The following LIMD1 variants were observed in gnomAD, a reference collection of about 807,000 sequenced individuals.
The protein encoded by LIMD1 is LIM domain containing 1, also known as LIM domain-containing protein 1.
Under a neutral mutation model 58.4 loss-of-function variants are expected in LIMD1, and 23 were observed. The observed-to-expected ratio is 0.39, with a 90% CI of 0.28 to 0.56. The LOEUF (loss-of-function observed/expected upper bound fraction) is 0.56, where lower values mean the gene tolerates loss of function less well. LIMD1 is among the 20% of genes least tolerant of loss of function. The pLI is 0.57. For missense variants in LIMD1, 838 were observed against 855.5 expected (o/e 0.98, Z 0.25); for synonymous variants, 334 against 345.5 (o/e 0.97, Z 0.37).
At chr3:45,635,267 G>A (rs13079217) in intron 1 of LIMD1, among the ~76,000 whole-genome samples, 13,264 of 152,064 alleles carry the variant, frequency 0.087, 648 homozygotes, top group East Asian at 0.13. Context: ...CTCTCTCGAT[G>A]GATGATCTCC....
In LIMD1 at chr3:45,684,515, C is replaced by A. The variant is rs1697785186; in HGVS notation, c.*7456C>A. ...GTGGGTTAAGGAGCAGAAAGTTTAA[C>A]AGGCAGAAAAAAGAGAACAGCTCCC... On this transcript the variant is annotated 3_prime_UTR_variant, in exon 8 of 8. Coordinates refer to ENST00000273317, the MANE Select transcript of LIMD1 (RefSeq NM_014240.3). 1 of 152,156 alleles carries A rather than the reference C, an allele frequency of 6.6e-6. No individual in the cohort carries two copies. The highest frequency in any genetic ancestry group is 2.1e-4 in the South Asian group (1 of 4,828). The allele number at this position is 152,156 out of a possible 1,614,324, so 9.4% of individuals were successfully genotyped here.
rs766027020 is a variant in LIMD1, at chr3:45,674,405, C to T, written c.1887C>T (p.His629=). ...GAGACTACCACGTGGAGTGTTACCA[C>T]TGCGAGGTAGACCCCTCCCCACCCA... ...MDRDYHVECY[H]CEDCGLELND... is the part of the protein sequence containing the mutation. The change falls in exon 7 of 8, where the codon CAC becomes CAT. Residue 629 remains histidine (H), a synonymous_variant. Transcript: ENST00000273317. The T allele has an allele frequency of 6.2e-7, 1 of 1,613,506 alleles. No homozygotes were observed. The highest frequency in any genetic ancestry group is 8.5e-7 in the Non-Finnish European group (1 of 1,179,512).
At chr3:45,603,609 G>A (rs1391261792) in intron 1 of LIMD1, among the ~76,000 whole-genome samples, 2 of 152,198 alleles carry the variant, frequency 1.3e-5, no homozygotes, top group African/African-American at 4.8e-5. Context: ...CTCTGGCCCT[G>A]CAGATGCACA....
Position 45,642,407 on chromosome 3 carries a change from G to C in LIMD1, c.1510+6156G>C, listed in dbSNP as rs959546038. On this transcript the variant is annotated intron_variant, in intron 2 of 7. Coordinates refer to ENST00000273317, the MANE Select transcript of LIMD1 (RefSeq NM_014240.3). ...GCCCAGGCTGGTCTCAAACTCCTGG[G>C]CTCAAGCAGTCTGTCTGCCTTGGCG... Among the ~76,000 whole-genome samples, 3 of 152,080 alleles carry C rather than the reference G, an allele frequency of 2.0e-5. No individual in the cohort carries two copies. In the South Asian group the frequency reaches 6.2e-4, roughly 32 times the overall value.
intron 2 of LIMD1, among the ~76,000 whole-genome samples, chr3:45,656,538 A>G (rs147907185): frequency 1.5e-3 from 226 of 146,072 alleles, no homozygotes; most frequent in African/African-American, 5.4e-3. Flanking sequence ...TTTTTTTTTG[A>G]GACGGAGTCT....
intron 1 of LIMD1, among the ~76,000 whole-genome samples, chr3:45,610,601 G>A (rs1701514053): frequency 6.6e-6 from 1 of 152,184 alleles, no homozygotes; most frequent in African/African-American, 2.4e-5. Flanking sequence ...GGAATGAAAA[G>A]CCTAATAAGC....
intron 4 of LIMD1, among the ~76,000 whole-genome samples, chr3:45,670,554 C>T (rs890582584): frequency 2.0e-5 from 3 of 152,212 alleles, no homozygotes; most frequent in Non-Finnish European, 4.4e-5. Context: ...AGGCCCCTCT[C>T]CCTGTAGCCT....
intron 2 of LIMD1, among the ~76,000 whole-genome samples, chr3:45,654,408 T>C (rs560893099): frequency 6.6e-6 from 1 of 152,324 alleles, no homozygotes; most frequent in South Asian, 2.1e-4. Flanking sequence ...ACGTTTTAGT[T>C]TTGTCAGATT....
At position 45,637,877 on chromosome 3, in the gene LIMD1, T is replaced by C. The variant is rs142913555; in HGVS notation, c.1510+1626T>C. On this transcript the variant is annotated intron_variant, in intron 2 of 7. Transcript: ENST00000273317. ...TGCCTGAGAGTTTATGGTTTACACA[T>C]TGATCAGTGTTCACCTGTGTAGGGA... is the stretch of plus-strand genomic sequence containing the variant. Among the ~76,000 whole-genome samples, 93 of 152,340 alleles carry C rather than the reference T, an allele frequency of 6.1e-4. No individual in the cohort carries two copies. The East Asian group carries it at 0.017, about 28-fold the overall frequency.
chr3:45,671,242 G>A (rs1441460740), intron 4 of LIMD1, among the ~76,000 whole-genome samples: 1 of 152,246 alleles, frequency 6.6e-6, no homozygotes. Context: ...AGCTGGAATA[G>A]CACAACGCCC....
intron 1 of LIMD1, among the ~76,000 whole-genome samples, chr3:45,624,612 A>G (rs1701653172): frequency 6.6e-6 from 1 of 152,152 alleles, no homozygotes; most frequent in Non-Finnish European, 1.5e-5. Context: ...AGTCCCAGCT[A>G]CTCAGGAGGC....
intron 2 of LIMD1, among the ~76,000 whole-genome samples, chr3:45,647,354 G>A (rs1332158547): frequency 6.6e-6 from 1 of 152,190 alleles, no homozygotes; most frequent in East Asian, 1.9e-4. Flanking sequence ...TCTTACCATG[G>A]GAGCTCCCAG....
chr3:45,627,694 G>A (rs1242134956), intron 1 of LIMD1, among the ~76,000 whole-genome samples: 3 of 118,768 alleles, frequency 2.5e-5, no homozygotes, highest in African/African-American at 1.0e-4. Flanking sequence ...TGAACCTCCT[G>A]CCTAAAACAA....
At chr3:45,634,330 G>A (rs953431041) in intron 1 of LIMD1, among the ~76,000 whole-genome samples, 3 of 152,116 alleles carry the variant, frequency 2.0e-5, no homozygotes, top group Admixed American at 6.5e-5. Flanking sequence ...GGAGTTCTTT[G>A]GGAGGGAGAC....
At chr3:45,599,479 A>G (rs1215646156) in intron 1 of LIMD1, among the ~76,000 whole-genome samples, 1 of 152,154 alleles carries the variant, frequency 6.6e-6, no homozygotes, top group Non-Finnish European at 1.5e-5. Flanking sequence ...GCACAGTGAA[A>G]ATCGAGCCTC....
chr3:45,602,824 C>T (rs1411809410), intron 1 of LIMD1, among the ~76,000 whole-genome samples: 3 of 151,286 alleles, frequency 2.0e-5, no homozygotes, highest in Admixed American at 1.3e-4. Flanking sequence ...AGCTGCTCCT[C>T]GTTTTCATGA....
chr3:45,620,313 G>A (rs544486661), intron 1 of LIMD1, among the ~76,000 whole-genome samples: 2 of 152,288 alleles, frequency 1.3e-5, no homozygotes, highest in African/African-American at 4.8e-5. Flanking sequence ...AATGGTAGAA[G>A]GGTATTGTAA....
intron 2 of LIMD1, among the ~76,000 whole-genome samples, chr3:45,638,820 T>G (rs750390067): frequency 1.3e-5 from 2 of 152,218 alleles, no homozygotes; most frequent in Non-Finnish European, 2.9e-5. Context: ...ACTTTTTGAC[T>G]TTTTAATAAT....
At chr3:45,624,049 T>C (rs1232076480) in intron 1 of LIMD1, among the ~76,000 whole-genome samples, 1 of 152,204 alleles carries the variant, frequency 6.6e-6, no homozygotes, top group Non-Finnish European at 1.5e-5. Context: ...ACTTGGCTCC[T>C]CTTCAGAACC....
Sources: allele counts gnomAD v4.1 joint callset (sites outside exome capture counted in the v4.1 genomes callset), GRCh38; gene constraint gnomAD v4.1.1; transcripts MANE v1.5; gene names NCBI Gene and HGNC (gene_info 2026-07-23, HGNC 2026-07-21).